RAB18: variants seen among roughly 807,000 people sequenced by gnomAD.
RAB18 encodes RAB18, member RAS oncogene family.
RAB18 carries 10 observed loss-of-function variants against 28.5 expected under a neutral mutation model. The ratio of observed to expected loss-of-function variants is 0.35; its 90% CI spans 0.22 to 0.60. RAB18 has a LOEUF of 0.60. Among genes scored for constraint, RAB18 ranks in the 20% least tolerant of loss-of-function variants. RAB18 has a pLI of 0.78. For synonymous variants in RAB18, 93 were observed against 86.9 expected, an observed-to-expected ratio of 1.07 and a Z score of -0.39; for missense variants, 188 against 244.2, an observed-to-expected ratio of 0.77 and a Z score of 1.53.
At position 27,526,824 on chromosome 10, in the gene RAB18, T is replaced by C. The variant is rs959062693; in HGVS notation, c.125-4T>C. The stretch of plus-strand genomic sequence containing the variant: ...AGACTTATCAAAATTTTCATTTCTT[T>C]AAGGTGTTGACTTTAAGGTGAAAAC... On this transcript the variant is annotated splice_region_variant and splice_polypyrimidine_tract_variant and intron_variant, in intron 2 of 6. Coordinates refer to ENST00000356940, the MANE Select transcript of RAB18 (RefSeq NM_021252.5). 6.2e-7 allele frequency: 1 copy of C among 1,613,244 alleles called. No individual in the cohort carries two copies.
In RAB18 at chr10:27,538,515, C is replaced by T. The variant is rs2132416417; in HGVS notation, c.*464C>T. 1 of 454,576 alleles carries T rather than the reference C, an allele frequency of 2.2e-6. No individual in the cohort carries two copies. Among genetic ancestry groups the T allele is most frequent in the Middle Eastern group, 6.9e-4 (1 of 1,444 alleles). The allele number at this position is 454,576 out of a possible 1,614,324, so 28.2% of individuals were successfully genotyped here. A position where few individuals can be genotyped will look rare whatever the true frequency, so the allele number is the denominator to read the frequency against. On this transcript the variant is annotated 3_prime_UTR_variant, in exon 7 of 7. Transcript: ENST00000356940. ...AATAATAAAGAGCATGATTCCACAG[C>T]TTTTCTGGGATGTTTGAGATTCTTT...
rs1430239428 is a variant in RAB18 at position 27,539,859 on chromosome 10, C to T, written c.*1808C>T. The T allele has an allele frequency of 2.2e-6, 1 of 453,834 alleles. No individual in the cohort carries two copies. The highest frequency in any genetic ancestry group is 2.4e-5 in the Admixed American group (1 of 42,548). 28.1% of individuals were successfully genotyped at this position (453,834 alleles called of 1,614,324 possible). On this transcript the variant is annotated 3_prime_UTR_variant, in exon 7 of 7. Transcript: ENST00000356940. ...ATTTGTGTAGGAAGTATATACATTT[C>T]CCTATTACTCTCATCAGCTGAAGAA... is the stretch of plus-strand genomic sequence containing the variant.
rs183421755 is a variant in RAB18, at chr10:27,540,277, T to G, written c.*2226T>G. On this transcript the variant is annotated 3_prime_UTR_variant, in exon 7 of 7. Transcript: ENST00000356940. ...ATTAGTACTCCTATTATGCCCATTT[T>G]AAAGGTGAGGACAACACAATGTAGG... is the stretch of plus-strand genomic sequence containing the variant. 2.2e-6 allele frequency: 1 copy of G among 454,070 alleles called. No individual in the cohort carries two copies. The highest frequency in any genetic ancestry group is 6.9e-5 in the East Asian group (1 of 14,390). The allele number at this position is 454,070 out of a possible 1,614,324, so 28.1% of individuals were successfully genotyped here. A position where few individuals can be genotyped will look rare whatever the true frequency, so the allele number is the denominator to read the frequency against.
chr10:27,527,070 A>G (rs751037728), intron 3 of RAB18, 181 bp downstream of exon 3: 2 of 749,540 alleles, frequency 2.7e-6, no homozygotes, highest in Non-Finnish European at 4.8e-6. Context: ...TTAGGCAGCT[A>G]TGTTTTGTTT....
chr10:27,524,835 T>A (rs1834639625), intron 2 of RAB18, among the ~76,000 whole-genome samples: 1 of 152,200 alleles, frequency 6.6e-6, no homozygotes, highest in Non-Finnish European at 1.5e-5. Flanking sequence ...TCTGAAGAGC[T>A]CAATTGCTGC....
At chr10:27,515,899 A>C (rs1199040000) in intron 2 of RAB18, among the ~76,000 whole-genome samples, 1 of 152,164 alleles carries the variant, frequency 6.6e-6, no homozygotes, top group South Asian at 2.1e-4. Context: ...TGTAACTTGG[A>C]AAGTATTCAT....
chr10:27,514,756 A>AGTTTTTTT (rs1323700164), intron 2 of RAB18, among the ~76,000 whole-genome samples: 4 of 151,928 alleles, frequency 2.6e-5, no homozygotes, highest in South Asian at 2.1e-4. Context: ...CAAAATTGCA[A>AGTTTTTTT]GTTTTTTTGT....
intron 1 of RAB18, 60 bp downstream of exon 1, chr10:27,504,497 C>T: frequency 1.3e-6 from 2 of 1,526,384 alleles, no homozygotes; most frequent in Non-Finnish European, 1.8e-6. Context: ...CCGGTGGCTG[C>T]TGTCTCCTGG....
At chr10:27,524,381 T>G (rs1378060930) in intron 2 of RAB18, among the ~76,000 whole-genome samples, 15 of 152,242 alleles carry the variant, frequency 9.9e-5, no homozygotes, top group Admixed American at 9.2e-4. Flanking sequence ...TGTGTGCTTC[T>G]GCTTCCATTA....
rs184885961 is a variant in RAB18, at chr10:27,537,819, A to G, written c.446-57A>G. ...TGCCCTGATAGTTTCCCAGAAAAACATGAGAATATGGCCAGAAAGGAATAT... is the reference window on the plus strand; with the variant it reads ...TGCCCTGATAGTTTCCCAGAAAAACGTGAGAATATGGCCAGAAAGGAATAT... On this transcript the variant is annotated intron_variant, in intron 6 of 6. Coordinates refer to ENST00000356940, the MANE Select transcript of RAB18 (RefSeq NM_021252.5). 2.8e-4 allele frequency: 411 copies of G among 1,471,116 alleles called. 4 individuals carry two copies. The African/African-American group carries it at 5.2e-3, about 19-fold the overall frequency. 91.1% of individuals were successfully genotyped at this position (1,471,116 alleles called of 1,614,324 possible).
At position 27,540,453 on chromosome 10, in the gene RAB18, A is replaced by C; in HGVS notation, c.*2402A>C. On this transcript the variant is annotated 3_prime_UTR_variant, in exon 7 of 7. Transcript: ENST00000356940. ...CAGCTTTTTGTAACACAACCAAGTT[A>C]AGGCAGTTCCACTATTTCTTTATCA... 1 of 454,098 alleles carries C rather than the reference A, an allele frequency of 2.2e-6. No individual in the cohort carries two copies. Among genetic ancestry groups the C allele is most frequent in the Non-Finnish European group, 4.4e-6 (1 of 226,776 alleles). 28.1% of individuals were successfully genotyped at this position (454,098 alleles called of 1,614,324 possible).
At position 27,534,027 on chromosome 10, in the gene RAB18, T is replaced by C. The variant is rs747332052; in HGVS notation, c.445+33T>C. On this transcript the variant is annotated intron_variant, in intron 6 of 6. Transcript: ENST00000356940. ...TGTGAATGAATATCTGTCCTTTCATTATTAATGAGGAATTTTTGAATGGAG... is the reference window on the plus strand; with the variant it reads ...TGTGAATGAATATCTGTCCTTTCATCATTAATGAGGAATTTTTGAATGGAG... 10 of 1,543,900 alleles carry C rather than the reference T, an allele frequency of 6.5e-6. No individual in the cohort carries two copies. The East Asian group carries it at 2.2e-4, about 35-fold the overall frequency.
intron 6 of RAB18, among the ~76,000 whole-genome samples, chr10:27,535,258 G>T (rs1028671645): frequency 6.6e-6 from 1 of 152,116 alleles, no homozygotes; most frequent in Non-Finnish European, 1.5e-5. Flanking sequence ...ATGAGATTTT[G>T]TGCTTTTTTT....
chr10:27,523,067 C>T (rs1834593900), intron 2 of RAB18, among the ~76,000 whole-genome samples: 1 of 151,758 alleles, frequency 6.6e-6, no homozygotes, highest in Admixed American at 6.6e-5. Context: ...TTTCTATTGT[C>T]TTAGTTTAGA....
chr10:27,529,448 A>T (rs920851863), intron 3 of RAB18, among the ~76,000 whole-genome samples: 3 of 151,584 alleles, frequency 2.0e-5, no homozygotes, highest in African/African-American at 7.3e-5. Flanking sequence ...TTCTTCTAGG[A>T]TGAAATAGAA....
chr10:27,537,820 T>G, intron 6 of RAB18, 56 bp from the exon 7 acceptor site: 91 of 1,472,278 alleles, frequency 6.2e-5, no homozygotes, highest in Non-Finnish European at 7.9e-5. Context: ...CAGAAAAACA[T>G]GAGAATATGG....
At chr10:27,530,450 A>G (rs1036617679) in intron 3 of RAB18, among the ~76,000 whole-genome samples, 3 of 150,970 alleles carry the variant, frequency 2.0e-5, no homozygotes, top group Non-Finnish European at 3.0e-5. Flanking sequence ...TCTAAAACAG[A>G]TAGTCTGTAC....
At chr10:27,528,422 T>C in intron 3 of RAB18, 1 of 435,048 alleles carries the variant, frequency 2.3e-6, no homozygotes, top group Non-Finnish European at 4.5e-6. Flanking sequence ...TACCACTGAA[T>C]ACATTTTAGT....
intron 1 of RAB18, chr10:27,504,663 GT>G (rs1837763397): frequency 1.4e-6 from 1 of 737,632 alleles, no homozygotes; most frequent in African/African-American, 1.7e-5. Flanking sequence ...AGTTCTCTGG[GT>G]CGCTCTCCCT....
Sources: gnomAD v4.1 joint callset for allele counts (sites outside exome capture counted in the v4.1 genomes callset) on GRCh38, gnomAD v4.1.1 for gene constraint, MANE v1.5 for transcripts, NCBI Gene and HGNC (gene_info 2026-07-23, HGNC 2026-07-21) for gene names.